Variants in EPHA3 observed in about 807,000 individuals in gnomAD.
EPHA3 encodes the protein ephrin type-A receptor 3.
In EPHA3, 42 loss-of-function variants were observed where a neutral mutation model predicts 107.1. The observed-to-expected ratio is 0.39, with a 90% CI of 0.31 to 0.51. EPHA3 has a LOEUF of 0.51. Among genes scored for constraint, EPHA3 ranks in the 20% least tolerant of loss-of-function variants. EPHA3 has a pLI of 0.78. For synonymous variants in EPHA3, 461 were observed against 424.8 expected, an observed-to-expected ratio of 1.09 and a Z score of -1.05; for missense variants, 1,183 against 1,211.2, an observed-to-expected ratio of 0.98 and a Z score of 0.35.
At chr3:89,211,519 G>A (rs140105375) in intron 3 of EPHA3, among the ~76,000 whole-genome samples, 2,152 of 151,974 alleles carry the variant, frequency 0.014, 43 homozygotes, top group African/African-American at 0.046. Flanking sequence ...ACTCCTGATC[G>A]CATAATCAGT....
At chr3:89,212,405 A>G (rs1342815524) in intron 3 of EPHA3, among the ~76,000 whole-genome samples, 1 of 152,002 alleles carries the variant, frequency 6.6e-6, no homozygotes, top group African/African-American at 2.4e-5. Context: ...AAAAATTAAA[A>G]TTATAAAGTG....
chr3:89,431,146 C>T lies in EPHA3; in HGVS notation c.2137-4C>T, dbSNP rs2107536658. On this transcript the variant is annotated splice_polypyrimidine_tract_variant and splice_region_variant and intron_variant, in intron 12 of 16. Coordinates refer to ENST00000336596, the MANE Select transcript of EPHA3 (RefSeq NM_005233.6). ...CTTAATTGTACATTTGAAATGCTTC[C>T]CAGAAACACGATGCCCAGTTTACTG... The T allele has an allele frequency of 6.2e-7, 1 of 1,611,880 alleles. No individual in the cohort carries two copies. The highest frequency in any genetic ancestry group is 8.5e-7 in the Non-Finnish European group (1 of 1,179,182).
chr3:89,434,470 A>G (rs1709628880), intron 13 of EPHA3, among the ~76,000 whole-genome samples: 1 of 152,150 alleles, frequency 6.6e-6, no homozygotes, highest in African/African-American at 2.4e-5. Context: ...CACCTGCCTC[A>G]GCCTCTGAAA....
intron 2 of EPHA3, among the ~76,000 whole-genome samples, chr3:89,202,795 T>G (rs1706004302): frequency 6.6e-6 from 1 of 152,148 alleles, no homozygotes; most frequent in East Asian, 1.9e-4. Flanking sequence ...TATAAATATG[T>G]GATTGAAAGT....
Position 89,449,516 on chromosome 3 carries a change from C to T in EPHA3, c.2496+142C>T, listed in dbSNP as rs1270555246. 38 of 647,294 alleles carry T rather than the reference C, an allele frequency of 5.9e-5. 1 individual carries two copies. The highest frequency in any genetic ancestry group is 8.6e-5 in the Non-Finnish European group (36 of 416,746). The allele number at this position is 647,294 out of a possible 1,614,324, so 40.1% of individuals were successfully genotyped here. On this transcript the variant is annotated intron_variant, in intron 14 of 16. Coordinates refer to ENST00000336596, the MANE Select transcript of EPHA3 (RefSeq NM_005233.6). ...AGCAGCAATGAAACTGTTTCCAAGT[C>T]TTGCAAGGATATTATATTAATTGAA...
chr3:89,358,127 A>G (rs1708006277), intron 5 of EPHA3, among the ~76,000 whole-genome samples: 1 of 151,206 alleles, frequency 6.6e-6, no homozygotes, highest in Admixed American at 6.6e-5. Flanking sequence ...TCTAACAGAT[A>G]TGAAAGAAGA....
chr3:89,478,020 G>A (rs1331018432), intron 16 of EPHA3, among the ~76,000 whole-genome samples: 1 of 152,116 alleles, frequency 6.6e-6, no homozygotes, highest in Non-Finnish European at 1.5e-5. Context: ...TTAAATAGGA[G>A]GGTTGGGGAA....
intron 2 of EPHA3, among the ~76,000 whole-genome samples, chr3:89,168,708 T>C (rs1412982521): frequency 6.6e-6 from 1 of 152,070 alleles, no homozygotes; most frequent in African/African-American, 2.4e-5. Flanking sequence ...ATATGATAAT[T>C]AGTAATTTTT....
At chr3:89,259,925 T>C (rs768797536) in intron 3 of EPHA3, among the ~76,000 whole-genome samples, 1 of 152,228 alleles carries the variant, frequency 6.6e-6, no homozygotes, top group Admixed American at 6.5e-5. Context: ...ATATTTTTCT[T>C]TCTGTGTTTT....
intron 3 of EPHA3, among the ~76,000 whole-genome samples, chr3:89,255,102 A>C (rs1438530911): frequency 6.6e-6 from 1 of 152,208 alleles, no homozygotes; most frequent in African/African-American, 2.4e-5. Flanking sequence ...TTCATAAATA[A>C]TGTTTACTTA....
At chr3:89,159,019 C>G (rs1208221805) in intron 2 of EPHA3, among the ~76,000 whole-genome samples, 1 of 152,000 alleles carries the variant, frequency 6.6e-6, no homozygotes, top group African/African-American at 2.4e-5. Context: ...AATAGCCTCA[C>G]CCACATTTCC....
intron 13 of EPHA3, among the ~76,000 whole-genome samples, chr3:89,444,313 T>A (rs1185531932): frequency 6.6e-6 from 1 of 152,284 alleles, no homozygotes; most frequent in Admixed American, 6.5e-5. Context: ...TTTATGAGAA[T>A]GTATGTATCT....
intron 3 of EPHA3, among the ~76,000 whole-genome samples, chr3:89,237,546 C>T (rs1237575608): frequency 1.3e-5 from 2 of 152,126 alleles, no homozygotes; most frequent in East Asian, 3.8e-4. Flanking sequence ...AGAGTTTCTG[C>T]CCTATGATTT....
At chr3:89,116,267 G>C (rs1192120719) in intron 1 of EPHA3, among the ~76,000 whole-genome samples, 1 of 152,104 alleles carries the variant, frequency 6.6e-6, no homozygotes, top group Admixed American at 6.5e-5. Flanking sequence ...AATATAACCA[G>C]AGTGTGATTA....
At chr3:89,140,428 T>C (rs1344056250) in intron 2 of EPHA3, among the ~76,000 whole-genome samples, 1 of 151,820 alleles carries the variant, frequency 6.6e-6, no homozygotes, top group African/African-American at 2.4e-5. Flanking sequence ...TTGTGCTTTC[T>C]GAACTGCTAA....
chr3:89,349,476 T>C (rs1176587836), intron 5 of EPHA3, among the ~76,000 whole-genome samples: 1 of 148,582 alleles, frequency 6.7e-6, no homozygotes, highest in Non-Finnish European at 1.5e-5. Context: ...TTGGTAGATC[T>C]TCTTCCATCC....
intron 13 of EPHA3, among the ~76,000 whole-genome samples, chr3:89,444,135 T>C (rs1314662440): frequency 6.6e-6 from 1 of 152,198 alleles, no homozygotes; most frequent in Non-Finnish European, 1.5e-5. Context: ...TAATACTCCT[T>C]ATCTTCAGCT....
intron 2 of EPHA3, among the ~76,000 whole-genome samples, chr3:89,156,344 G>C (rs1017182319): frequency 1.3e-5 from 2 of 152,078 alleles, no homozygotes; most frequent in African/African-American, 4.8e-5. Context: ...AACAAGAAGA[G>C]AGCAGATTTA....
rs1254654278 is a variant in EPHA3, at chr3:89,153,266, A to C, written c.153+25993A>C. Reference sequence around the variant, plus strand: ...AATGTTTCATATATTTACTTCACTTAAGATACTATGCTCTCCTGCTTTAAT... The same window carrying C: ...AATGTTTCATATATTTACTTCACTTCAGATACTATGCTCTCCTGCTTTAAT... On this transcript the variant is annotated intron_variant, in intron 2 of 16. Transcript: ENST00000336596. Among the ~76,000 whole-genome samples, 3 of 152,210 alleles carry C rather than the reference A, an allele frequency of 2.0e-5. No homozygotes were observed. The East Asian group carries it at 5.8e-4, about 29-fold the overall frequency.
Sources: allele counts gnomAD v4.1 joint callset (sites outside exome capture counted in the v4.1 genomes callset), GRCh38; gene constraint gnomAD v4.1.1; transcripts MANE v1.5; gene names NCBI Gene and HGNC (gene_info 2026-07-23, HGNC 2026-07-21).